ARAP3: variants seen among roughly 807,000 people sequenced by gnomAD.
ARAP3 encodes the protein ArfGAP with RhoGAP domain, ankyrin repeat and PH domain 3.
ARAP3 carries 82 observed loss-of-function variants against 169.2 expected under a neutral mutation model. That is an observed-to-expected ratio of 0.48 (90% confidence interval 0.41 to 0.58). The LOEUF (loss-of-function observed/expected upper bound fraction) is 0.58, where lower values mean the gene tolerates loss of function less well. ARAP3 is among the 20% of genes least tolerant of loss of function. The pLI is 0.00. For missense variants in ARAP3, 1,764 were observed against 2,018.0 expected, an observed-to-expected ratio of 0.87 and a Z score of 2.41; for synonymous variants, 791 against 800.3, an observed-to-expected ratio of 0.99 and a Z score of 0.20.
At chr5:141,658,880 T>C (rs1216371342) in intron 23 of ARAP3, among the ~76,000 whole-genome samples, 1 of 152,134 alleles carries the variant, frequency 6.6e-6, no homozygotes, top group African/African-American at 2.4e-5. Context: ...AGGACAGATG[T>C]GGAGTCAGAC....
At position 141,672,852 on chromosome 5, in the gene ARAP3, G is replaced by A. The variant is rs773551868; in HGVS notation, c.1167C>T (p.Pro389=). 3.1e-6 allele frequency: 5 copies of A among 1,607,466 alleles called. No homozygotes were observed. The highest frequency in any genetic ancestry group is 4.5e-5 in the East Asian group (2 of 44,442). ...TGCGGAGGGGTCGGGGTGGTTGGGG[G>A]GGCCGGGGGTGGCCCAGGAGGCGCT... ...KEQRLLGHPR[P]PQPPRPLRTG... The change falls in exon 8 of 33, where the codon CCC becomes CCT. Residue 389 remains proline (P), a synonymous_variant. Coordinates refer to ENST00000239440, the MANE Select transcript of ARAP3 (RefSeq NM_022481.6). This position sits in a 1 kb window ranked among gnomAD's most constrained non-coding sequence, Gnocchi z 4.9.
Position 141,656,768 on chromosome 5 carries a change from G to A in ARAP3, c.3605C>T (p.Ser1202Phe), listed in dbSNP as rs772268522. The change falls in exon 26 of 33, where the codon TCC becomes TTC. Residue 1202 changes from serine (S) to phenylalanine (F), a missense_variant. Ser to Phe is a radical substitution (Grantham distance 155). Transcript: ENST00000239440. ...WCQLPEPCSASLLLKKVPLAQ... is the reference protein window; with the variant it reads ...WCQLPEPCSAFLLLKKVPLAQ... ...CAGGGGGACTTTTTTCAAGAGCAGGGAAGCTGAGCAGGGCTCTGGGAGCTG... is the reference window on the plus strand; with the variant it reads ...CAGGGGGACTTTTTTCAAGAGCAGGAAAGCTGAGCAGGGCTCTGGGAGCTG... 13 of 1,612,108 alleles carry A rather than the reference G, an allele frequency of 8.1e-6. No individual in the cohort carries two copies. Among genetic ancestry groups the A allele is most frequent in the South Asian group, 1.1e-5 (1 of 90,692 alleles).
Position 141,654,408 on chromosome 5 carries a change from C to G in ARAP3, c.4177G>C (p.Glu1393Gln). Residue 1393 changes from glutamate (E) to glutamine (Q), a missense_variant, in exon 33 of 33, where the codon GAG (glutamate) becomes CAG (glutamine). By Grantham distance (29) the Glu-to-Gln change is conservative. Around this residue, in one of 3 missense-constraint regions of ARAP3, gnomAD observed 1,112 missense variants for 1,285.7 expected, o/e 0.86. Transcript: ENST00000239440. ...FPMKSSQGSV[E>Q]EQEELEEPVY... is the part of the protein sequence containing the mutation. Reference sequence around the variant, plus strand: ...GGCTCCTCCAGCTCCTCTTGCTCCTCCACAGACCCCTGGGATGACTTCATT... The same window carrying G: ...GGCTCCTCCAGCTCCTCTTGCTCCTGCACAGACCCCTGGGATGACTTCATT... 6.2e-7 allele frequency: 1 copy of G among 1,604,256 alleles called. No individual in the cohort carries two copies. Among genetic ancestry groups the G allele is most frequent in the Non-Finnish European group, 8.5e-7 (1 of 1,174,680 alleles).
intron 4 of ARAP3, 109 bp downstream of exon 4, chr5:141,679,436 G>A: frequency 1.8e-6 from 2 of 1,082,080 alleles, no homozygotes; most frequent in Non-Finnish European, 1.4e-6. Context: ...CCTGTATCTT[G>A]AGTGCCTGGC....
In ARAP3 at chr5:141,670,628, T is replaced by A; in HGVS notation, c.1991A>T (p.Asp664Val). The A allele has an allele frequency of 6.2e-7, 1 of 1,612,086 alleles. No homozygotes were observed. Among genetic ancestry groups the A allele is most frequent in the South Asian group, 1.1e-5 (1 of 90,998 alleles). ...CTCATTGTACACACCAGGGGAGGGG[T>A]CTGCAAGGGGAAGGGGAAGTAGTCA... ...DGSCPGLLPS[D>V]PSPGVYNEVV... The change falls in exon 14 of 33, where the codon GAC becomes GTC. Residue 664 changes from aspartate to valine, a missense_variant and splice_region_variant. By Grantham distance (152) the Asp-to-Val change is radical (BLOSUM62 -3). Transcript: ENST00000239440.
In ARAP3 at chr5:141,679,525, C is replaced by T. The variant is rs367640174; in HGVS notation, c.698+20G>A. ...ACTCACCTGCTCCTCCCTCCCACCA[C>T]TTCCCTATTTAGTACTCACCTGTGT... On this transcript the variant is annotated intron_variant, in intron 4 of 32. Coordinates refer to ENST00000239440, the MANE Select transcript of ARAP3 (RefSeq NM_022481.6). 26 of 1,609,474 alleles carry T rather than the reference C, an allele frequency of 1.6e-5. No homozygotes were observed. The highest frequency in any genetic ancestry group is 2.7e-5 in the African/African-American group (2 of 74,762).
Position 141,679,555 on chromosome 5 carries a change from C to T in ARAP3, c.688G>A (p.Ala230Thr). The T allele has an allele frequency of 6.2e-7, 1 of 1,614,132 alleles. No individual in the cohort carries two copies. Among genetic ancestry groups the T allele is most frequent in the Non-Finnish European group, 8.5e-7 (1 of 1,179,994 alleles). ...RESRGVCQGR[A>T]EHRLSRQDLE... is the part of the protein sequence containing the mutation. ...CTATTTAGTACTCACCTGTGTTCAG[C>T]CCTGCCCTGACAAACACCTCTGCTC... Residue 230 changes from alanine to threonine, a missense_variant, in exon 4 of 33, where the codon GCT becomes ACT. Physicochemically the swap from Ala to Thr is moderately conservative, Grantham distance 58. Coordinates refer to ENST00000239440, the MANE Select transcript of ARAP3 (RefSeq NM_022481.6).
rs1203594129 is a variant in ARAP3, at chr5:141,653,996, T to C, written c.4589A>G (p.Gln1530Arg). The C allele has an allele frequency of 1.9e-6, 3 of 1,549,414 alleles. No individual in the cohort carries two copies. The African/African-American group carries it at 4.2e-5, about 21-fold the overall frequency. Residue 1530 changes from glutamine (Q) to arginine (R), a missense_variant, in exon 33 of 33, where the codon CAA becomes CGA. Gln to Arg is a conservative substitution (Grantham distance 43). Around this residue, in one of 3 missense-constraint regions of ARAP3, gnomAD observed 1,112 missense variants for 1,285.7 expected, o/e 0.86. Coordinates refer to ENST00000239440, the MANE Select transcript of ARAP3 (RefSeq NM_022481.6). ...LPTQTPGFPT[Q>R]PPCTSSPPSS... The stretch of plus-strand genomic sequence containing the variant: ...GGGTGGACTGGAAGTGCATGGGGGT[T>C]GGGTGGGGAAGCCAGGTGTCTGTGT...
At position 141,672,895 on chromosome 5, in the gene ARAP3, T is replaced by G. The variant is rs2099911638; in HGVS notation, c.1124A>C (p.Gln375Pro). 6.2e-7 allele frequency: 1 copy of G among 1,609,024 alleles called. No individual in the cohort carries two copies. Among genetic ancestry groups the G allele is most frequent in the Admixed American group, 1.7e-5 (1 of 59,392 alleles). ...GAGGCGCTGCTCCTTCAGACAGGACTGCAGCGTGGAGCACCACATGTCCCG... is the reference window on the plus strand; with the variant it reads ...GAGGCGCTGCTCCTTCAGACAGGACGGCAGCGTGGAGCACCACATGTCCCG... The part of the protein sequence containing the change: ...AQRDMWCSTL[Q>P]SCLKEQRLLG... Residue 375 changes from glutamine to proline, a missense_variant, in exon 8 of 33, where the codon CAG becomes CCG. Around this residue, in one of 3 missense-constraint regions of ARAP3, gnomAD observed 630 missense variants for 678.7 expected, o/e 0.93. Transcript: ENST00000239440. This position sits in a 1 kb window ranked among gnomAD's most constrained non-coding sequence, Gnocchi z 4.9.
chr5:141,661,986 G>A (rs1352988875), intron 20 of ARAP3, 57 bp downstream of exon 20: 3 of 1,601,716 alleles, frequency 1.9e-6, no homozygotes. Context: ...CATGGATTCT[G>A]GTGGGGGAAG....
At position 141,672,643 on chromosome 5, in the gene ARAP3, T is replaced by C. The variant is rs1237033199; in HGVS notation, c.1294A>G (p.Ile432Val). 3.1e-6 allele frequency: 5 copies of C among 1,613,704 alleles called. No homozygotes were observed. The highest frequency in any genetic ancestry group is 3.4e-6 in the Non-Finnish European group (4 of 1,179,832). Residue 432 changes from isoleucine to valine, a missense_variant, in exon 9 of 33, where the codon ATC (isoleucine) becomes GTC (valine). By Grantham distance (29) the Ile-to-Val change is conservative (BLOSUM62 3). This residue lies in a region of ARAP3 where 630 missense variants were observed against 678.7 expected (regional missense o/e 0.93). Coordinates refer to ENST00000239440, the MANE Select transcript of ARAP3 (RefSeq NM_022481.6). The surrounding 1 kb of genome is among the most constrained non-coding windows in gnomAD (Gnocchi z 4.9). ...YKSEQAFSLGIGICFIELQGC... is the reference protein window; with the variant it reads ...YKSEQAFSLGVGICFIELQGC... Reference sequence around the variant, plus strand: ...TGCAGTTCGATGAAGCAGATCCCGATGCCCAGAGAGAAGGCCTGGTGGGGT... The same window carrying C: ...TGCAGTTCGATGAAGCAGATCCCGACGCCCAGAGAGAAGGCCTGGTGGGGT...
chr5:141,662,627 T>G (rs1163256719), intron 19 of ARAP3, among the ~76,000 whole-genome samples: 1 of 152,254 alleles, frequency 6.6e-6, no homozygotes, highest in Non-Finnish European at 1.5e-5. Context: ...TTTGGCATTT[T>G]CATCATCATT....
At chr5:141,656,463 T>C in intron 27 of ARAP3, 41 bp downstream of exon 27, 1 of 1,600,478 alleles carries the variant, frequency 6.2e-7, no homozygotes, top group Non-Finnish European at 8.5e-7. Context: ...CTCCTCTCCA[T>C]GGCCACCCAG....
chr5:141,661,590 A>C, intron 21 of ARAP3, 94 bp downstream of exon 21: 1 of 1,275,538 alleles, frequency 7.8e-7, no homozygotes, highest in Non-Finnish European at 1.1e-6. Flanking sequence ...TGTTTGTGGA[A>C]TGAACAAATG....
At chr5:141,681,741 T>G (rs1008203357) in intron 1 of ARAP3, among the ~76,000 whole-genome samples, 25 of 152,196 alleles carry the variant, frequency 1.6e-4, no homozygotes, top group African/African-American at 5.3e-4. Flanking sequence ...GCTCTCTCCC[T>G]GTTACTCTTG....
At position 141,680,186 on chromosome 5, in the gene ARAP3, C is replaced by G. The variant is rs200702800; in HGVS notation, c.301G>C (p.Val101Leu). 2 of 1,608,436 alleles carry G rather than the reference C, an allele frequency of 1.2e-6. No homozygotes were observed. The highest frequency in any genetic ancestry group is 2.2e-5 in the South Asian group (2 of 90,586). Residue 101 changes from valine (V) to leucine (L), a missense_variant, in exon 2 of 33, where the codon GTG (valine) becomes CTG (leucine). Val to Leu is a conservative substitution (Grantham distance 32). Coordinates refer to ENST00000239440, the MANE Select transcript of ARAP3 (RefSeq NM_022481.6). ...GCAGGGCCACTGAGTCCACCAAACA[C>G]GGTCCTGGGCTTCGGCACGGGCTTA... ...PPKPVPKPRTVFGGLSGPATT... is the reference protein window; with the variant it reads ...PPKPVPKPRTLFGGLSGPATT...
intron 4 of ARAP3, among the ~76,000 whole-genome samples, chr5:141,678,869 T>C (rs1227917726): frequency 3.9e-5 from 6 of 152,268 alleles, no homozygotes; most frequent in African/African-American, 1.4e-4. Context: ...TAATGTATTA[T>C]GTTTATTGTT....
intron 16 of ARAP3, 39 bp from the exon 17 acceptor site, chr5:141,666,682 G>T: frequency 8.8e-7 from 1 of 1,133,570 alleles, no homozygotes; most frequent in Non-Finnish European, 1.2e-6. Context: ...AGGGGGATGG[G>T]GGAAGAGACA....
intron 4 of ARAP3, among the ~76,000 whole-genome samples, chr5:141,675,564 C>CAA (rs201971326): frequency 6.6e-6 from 1 of 150,766 alleles, no homozygotes; most frequent in African/African-American, 2.4e-5. Flanking sequence ...ACTAAAAATA[C>CAA]AAAAAAAAAT....
Sources: gnomAD v4.1 joint callset for allele counts (sites outside exome capture counted in the v4.1 genomes callset) on GRCh38, gnomAD v4.1.1 for gene constraint, gnomAD v4.1.1 regional missense constraint, Gnocchi (gnomAD v3.1) non-coding constraint, MANE v1.5 for transcripts, NCBI Gene and HGNC (gene_info 2026-07-23, HGNC 2026-07-21) for gene names.